The following PRKG1 variants were observed in gnomAD, a reference collection of about 807,000 sequenced individuals.
PRKG1 encodes protein kinase cGMP-dependent 1.
A neutral mutation model predicts 88.1 loss-of-function variants in PRKG1; 35 were observed. The ratio of observed to expected loss-of-function variants is 0.40; its 90% confidence interval spans 0.30 to 0.53. PRKG1 has a LOEUF of 0.53. Among genes scored for constraint, PRKG1 ranks in the 20% least tolerant of loss-of-function variants. The pLI is 0.59. For missense variants in PRKG1, 540 were observed against 839.8 expected, an observed-to-expected ratio of 0.64 and a Z score of 4.41; for synonymous variants, 303 against 292.5, an observed-to-expected ratio of 1.04 and a Z score of -0.37.
At chr10:51,958,028 A>T (rs1479960021) in intron 5 of PRKG1, among the ~76,000 whole-genome samples, 1 of 152,066 alleles carries the variant, frequency 6.6e-6, no homozygotes, top group Non-Finnish European at 1.5e-5. Flanking sequence ...TTTACCTTAG[A>T]TTTTTTTTAA....
At position 51,592,430 on chromosome 10, in the gene PRKG1, G is replaced by C. The variant is rs144330690; in HGVS notation, c.592+124594G>C. Among the ~76,000 whole-genome samples the C allele has an allele frequency of 2.0e-4, 31 of 152,256 alleles. No individual in the cohort carries two copies. The South Asian group carries it at 2.7e-3, about 13-fold the overall frequency. ...AGTACAATCTTTGAGAGCAGGGATT[G>C]TGTGCTCCACTTTGCTTGTGCTGAC... On this transcript the variant is annotated intron_variant, in intron 3 of 17. Transcript: ENST00000373980.
At chr10:51,117,887 A>G (rs573898032) in intron 1 of PRKG1, among the ~76,000 whole-genome samples, 1 of 152,338 alleles carries the variant, frequency 6.6e-6, no homozygotes, top group East Asian at 1.9e-4. Flanking sequence ...AGTCAAGAAC[A>G]TCTGCTTCTT....
At chr10:52,067,195 A>G (rs867352049) in intron 7 of PRKG1, among the ~76,000 whole-genome samples, 20 of 152,252 alleles carry the variant, frequency 1.3e-4, no homozygotes, top group South Asian at 2.1e-4. Context: ...TTTACAAACT[A>G]TATAGTTTTT....
In PRKG1 at chr10:51,531,050, G is replaced by A. The variant is rs566741715; in HGVS notation, c.592+63214G>A. ...GGTAAGAAGAAATCATAAATACAAAGAGGAGAAAAACATAGGTTAATAGCA... is the reference window on the plus strand; with the variant it reads ...GGTAAGAAGAAATCATAAATACAAAAAGGAGAAAAACATAGGTTAATAGCA... On this transcript the variant is annotated intron_variant, in intron 3 of 17. Coordinates refer to ENST00000373980, the MANE Select transcript of PRKG1 (RefSeq NM_006258.4). Among the ~76,000 whole-genome samples, 30 of 152,206 alleles carry A rather than the reference G, an allele frequency of 2.0e-4. No homozygotes were observed. The East Asian group carries it at 5.6e-3, about 28-fold the overall frequency.
chr10:51,107,158 G>A (rs1589156976), intron 1 of PRKG1, among the ~76,000 whole-genome samples: 1 of 152,110 alleles, frequency 6.6e-6, no homozygotes, highest in Admixed American at 6.6e-5. Flanking sequence ...AAGTCCAAGG[G>A]CCCTAAGGTA....
intron 10 of PRKG1, among the ~76,000 whole-genome samples, chr10:52,253,220 AT>A (rs1477778615): frequency 4.0e-5 from 6 of 151,616 alleles, no homozygotes; most frequent in Non-Finnish European, 4.4e-5. Flanking sequence ...TAAAACTACT[AT>A]TTTTGTTGAC....
chr10:51,877,715 G>C (rs534809631), intron 4 of PRKG1, among the ~76,000 whole-genome samples: 2 of 152,262 alleles, frequency 1.3e-5, no homozygotes, highest in African/African-American at 2.4e-5. Context: ...ACACCAAGAG[G>C]ATTTTTCTTC....
intron 9 of PRKG1, among the ~76,000 whole-genome samples, chr10:52,184,008 T>G (rs1839118020): frequency 6.6e-6 from 1 of 152,170 alleles, no homozygotes; most frequent in Non-Finnish European, 1.5e-5. Flanking sequence ...AGAGGTCAGG[T>G]GCCTCCCTGC....
intron 9 of PRKG1, among the ~76,000 whole-genome samples, chr10:52,180,175 C>A (rs1273398283): frequency 6.6e-6 from 1 of 152,050 alleles, no homozygotes; most frequent in South Asian, 2.1e-4. Context: ...ATCAGAAATT[C>A]TTTCTTTTGT....
intron 3 of PRKG1, among the ~76,000 whole-genome samples, chr10:51,489,487 C>A (rs1480693290): frequency 1.3e-5 from 2 of 152,164 alleles, no homozygotes; most frequent in Non-Finnish European, 2.9e-5. Context: ...TGCCAATTAT[C>A]AGACCCCACC....
chr10:51,149,897 A>G (rs1846026966), intron 1 of PRKG1, among the ~76,000 whole-genome samples: 1 of 152,092 alleles, frequency 6.6e-6, no homozygotes, highest in African/African-American at 2.4e-5. Context: ...AGACAGCCAG[A>G]ATACCAGCAT....
intron 7 of PRKG1, among the ~76,000 whole-genome samples, chr10:52,129,175 C>T (rs760432066): frequency 3.9e-5 from 6 of 152,134 alleles, no homozygotes; most frequent in East Asian, 1.9e-4. Flanking sequence ...GTGAAATGCC[C>T]GCTAACTTGG....
At chr10:51,841,840 G>T (rs1050717516) in intron 4 of PRKG1, among the ~76,000 whole-genome samples, 1 of 152,022 alleles carries the variant, frequency 6.6e-6, no homozygotes, top group South Asian at 2.1e-4. Flanking sequence ...GCACCTCCAG[G>T]CCTGGCTAAT....
chr10:51,511,134 C>T (rs748782537), intron 3 of PRKG1, among the ~76,000 whole-genome samples: 1 of 152,116 alleles, frequency 6.6e-6, no homozygotes, highest in East Asian at 1.9e-4. Context: ...ATTTAGTATA[C>T]AATAATGCAA....
intron 3 of PRKG1, among the ~76,000 whole-genome samples, chr10:51,705,097 A>G (rs1430516668): frequency 6.6e-6 from 1 of 152,136 alleles, no homozygotes; most frequent in Non-Finnish European, 1.5e-5. Context: ...TTTATCATAC[A>G]TGATCTGTAT....
intron 3 of PRKG1, among the ~76,000 whole-genome samples, chr10:51,801,959 A>G (rs1324887147): frequency 6.6e-6 from 1 of 152,186 alleles, no homozygotes; most frequent in Non-Finnish European, 1.5e-5. Context: ...TACCCTTTAG[A>G]CTTAAATGTT....
At chr10:51,107,225 G>A (rs1442551099) in intron 1 of PRKG1, among the ~76,000 whole-genome samples, 1 of 152,162 alleles carries the variant, frequency 6.6e-6, no homozygotes. Flanking sequence ...GAGTGAGTGG[G>A]AATGCGGTGG....
At chr10:51,286,028 T>C (rs1294939118) in intron 2 of PRKG1, among the ~76,000 whole-genome samples, 1 of 152,156 alleles carries the variant, frequency 6.6e-6, no homozygotes, top group African/African-American at 2.4e-5. Flanking sequence ...TGGAGTGCAG[T>C]GGTGCAATCT....
At chr10:51,746,534 C>T (rs1002502118) in intron 3 of PRKG1, among the ~76,000 whole-genome samples, 1 of 151,866 alleles carries the variant, frequency 6.6e-6, no homozygotes, top group African/African-American at 2.4e-5. Flanking sequence ...CCAGCCTGGC[C>T]AGTGTGGTGA....
Sources: allele counts gnomAD v4.1 joint callset (sites outside exome capture counted in the v4.1 genomes callset), GRCh38; gene constraint gnomAD v4.1.1; transcripts MANE v1.5; gene names NCBI Gene and HGNC (gene_info 2026-07-23, HGNC 2026-07-21).